The following DUSP12 variants were observed in gnomAD, a reference collection of about 807,000 sequenced individuals.
DUSP12 encodes the protein dual specificity protein phosphatase 12.
A neutral mutation model predicts 38.9 loss-of-function variants in DUSP12; 25 were observed. That is an observed-to-expected ratio of 0.64 (90% CI 0.47 to 0.90). The LOEUF is 0.90. DUSP12 is among the 40% of genes least tolerant of loss of function. DUSP12 has a pLI of 0.00. For missense variants in DUSP12, 403 were observed against 427.0 expected, an observed-to-expected ratio of 0.94 and a Z score of 0.50; for synonymous variants, 153 against 153.9, an observed-to-expected ratio of 0.99 and a Z score of 0.05.
intron 1 of DUSP12, chr1:161,751,332 C>T (rs1684015766): frequency 5.5e-6 from 1 of 181,216 alleles, no homozygotes; most frequent in African/African-American, 2.4e-5. Context: ...TGGACTCAAC[C>T]AATCCTCTCA....
At position 161,757,001 on chromosome 1, in the gene DUSP12, G is replaced by C; in HGVS notation, c.*54G>C. 6.6e-7 allele frequency: 1 copy of C among 1,511,812 alleles called. No homozygotes were observed. Among genetic ancestry groups the C allele is most frequent in the East Asian group, 2.3e-5 (1 of 43,562 alleles). 93.6% of individuals were successfully genotyped at this position (1,511,812 alleles called of 1,614,324 possible). ...CTTGCAGATGATATGTGCTGCCTTT[G>C]CTTCTTATCATTCATGGCAGATTGT... On this transcript the variant is annotated 3_prime_UTR_variant, in exon 6 of 6. Transcript: ENST00000367943.
At chr1:161,751,214 C>T (rs1357335544) in intron 1 of DUSP12, 1 of 156,872 alleles carries the variant, frequency 6.4e-6, no homozygotes, top group African/African-American at 2.4e-5. Flanking sequence ...TCAAGTGAAC[C>T]TCCTGCCTCG....
In DUSP12 at chr1:161,751,985, G is replaced by T; in HGVS notation, c.577+1G>T. 6.3e-7 allele frequency: 1 copy of T among 1,591,460 alleles called. No homozygotes were observed. Among genetic ancestry groups the T allele is most frequent in the Non-Finnish European group, 8.6e-7 (1 of 1,163,604 alleles). ...CAAAAGGTTACAGAGAAGTATCCAG[G>T]TAAGTAATAATTGCTAGTGTGTAAT... On this transcript the variant is annotated splice_donor_variant, in intron 3 of 5. Coordinates refer to ENST00000367943, the MANE Select transcript of DUSP12 (RefSeq NM_007240.3). LOFTEE classifies it high-confidence loss of function.
rs1383727034 is a variant in DUSP12, at chr1:161,752,423, A to G, written c.633A>G (p.Gln211=). 5.0e-6 allele frequency: 8 copies of G among 1,613,120 alleles called. No homozygotes were observed. Among genetic ancestry groups the G allele is most frequent in the African/African-American group, 2.7e-5 (2 of 75,026 alleles). ...CTGTTGACCCAACTACCGTTTCACA[A>G]GGATTGAAAGATGAGGTTCTCTACA... ...LFAVDPTTVS[Q]GLKDEVLYKC... The change falls in exon 4 of 6, where the codon CAA becomes CAG. Residue 211 remains glutamine (Q), a synonymous_variant. Coordinates refer to ENST00000367943, the MANE Select transcript of DUSP12 (RefSeq NM_007240.3).
At chr1:161,750,682 G>C (rs555334610) in intron 1 of DUSP12, among the ~76,000 whole-genome samples, 1 of 152,254 alleles carries the variant, frequency 6.6e-6, no homozygotes, top group East Asian at 1.9e-4. Flanking sequence ...GGTGGCTCAC[G>C]CCTGTAATCC....
chr1:161,754,586 A>G (rs56118399), intron 5 of DUSP12, among the ~76,000 whole-genome samples: 44,797 of 152,096 alleles, frequency 0.29, 8,172 homozygotes, highest in Middle Eastern at 0.4. Flanking sequence ...CAGAAGGGAA[A>G]GCAGGCCACT....
intron 5 of DUSP12, among the ~76,000 whole-genome samples, chr1:161,756,105 C>G (rs913108601): frequency 6.6e-6 from 1 of 152,194 alleles, no homozygotes; most frequent in Non-Finnish European, 1.5e-5. Flanking sequence ...ATCTGCCCGC[C>G]TTGGCCTCCC....
At chr1:161,756,006 C>T (rs1684100982) in intron 5 of DUSP12, among the ~76,000 whole-genome samples, 1 of 152,104 alleles carries the variant, frequency 6.6e-6, no homozygotes. Flanking sequence ...CAGGCATCCG[C>T]CACCATGCCC....
chr1:161,754,261 T>C (rs967728721), intron 5 of DUSP12, among the ~76,000 whole-genome samples: 3 of 152,188 alleles, frequency 2.0e-5, no homozygotes, highest in Non-Finnish European at 2.9e-5. Flanking sequence ...ATGAGGAAAC[T>C]GTTTATGAGT....
intron 5 of DUSP12, among the ~76,000 whole-genome samples, chr1:161,754,637 G>A (rs1161717475): frequency 1.3e-5 from 2 of 152,190 alleles, no homozygotes; most frequent in Non-Finnish European, 2.9e-5. Flanking sequence ...ATGTGAAGGA[G>A]GAACTGTCAA....
rs550743674 is a variant in DUSP12 at position 161,752,823 on chromosome 1, CTA to C, written c.675-250_675-249del. Among the ~76,000 whole-genome samples, 1,043 of 152,192 alleles carry C rather than the reference CTA, an allele frequency of 6.9e-3. 15 individuals carry two copies. The highest frequency in any genetic ancestry group is 0.024 in the African/African-American group (997 of 41,526). On this transcript the variant is annotated intron_variant, in intron 4 of 5. Coordinates refer to ENST00000367943, the MANE Select transcript of DUSP12 (RefSeq NM_007240.3). ...TGGCCAACATGGTGAAACCCCGTCT[CTA>C]TTAAAAATACAAAAATTAGTTGGGC...
chr1:161,752,585 T>C (rs1448609873), intron 4 of DUSP12, 121 bp downstream of exon 4: 1 of 658,766 alleles, frequency 1.5e-6, no homozygotes, highest in East Asian at 2.6e-5. Flanking sequence ...TTAGTTCAGA[T>C]CTGTTTTCAG....
intron 5 of DUSP12, chr1:161,753,508 C>CTATTTATA (rs1305491732): frequency 8.2e-6 from 2 of 244,468 alleles, no homozygotes; most frequent in East Asian, 7.7e-5. Flanking sequence ...TCCTTTAAGG[C>CTATTTATA]TATTTATATT....
rs563179490 is a variant in DUSP12, at chr1:161,751,953, T to C, written c.546T>C (p.Tyr182=). ...VDTSSAIYKQ[Y]RLQKVTEKYP... ...CCTCTAGTGCAATTTATAAGCAATA[T>C]CGTTTACAAAAGGTTACAGAGAAGT... Residue 182 remains tyrosine (Y), a synonymous_variant, in exon 3 of 6, where the codon TAT becomes TAC. Coordinates refer to ENST00000367943, the MANE Select transcript of DUSP12 (RefSeq NM_007240.3). The C allele has an allele frequency of 1.9e-6, 3 of 1,611,784 alleles. No individual in the cohort carries two copies. Among genetic ancestry groups the C allele is most frequent in the Non-Finnish European group, 2.5e-6 (3 of 1,179,078 alleles).
intron 4 of DUSP12, 86 bp from the exon 5 acceptor site, chr1:161,752,989 C>CA (rs35439833): frequency 4.8e-3 from 5,572 of 1,163,038 alleles, no homozygotes; most frequent in South Asian, 6.0e-3. Flanking sequence ...GACTCTGTCT[C>CA]AAAAAAAAAA....
rs930984278 is a variant in DUSP12, at chr1:161,752,282, G to A, written c.578-86G>A. On this transcript the variant is annotated intron_variant, in intron 3 of 5. Transcript: ENST00000367943. ...TTTTTAATTTTTGAGGTTAGCACTT[G>A]TTGCCTCAATTTGACATTAACTGAA... The A allele has an allele frequency of 5.4e-6, 5 of 924,484 alleles. No homozygotes were observed. The African/African-American group carries it at 6.8e-5, about 13-fold the overall frequency. The allele number at this position is 924,484 out of a possible 1,614,324, so 57.3% of individuals were successfully genotyped here.
chr1:161,752,328 T>G, intron 3 of DUSP12, 40 bp from the exon 4 acceptor site: 1 of 1,420,342 alleles, frequency 7.0e-7, no homozygotes, highest in African/African-American at 1.4e-5. Context: ...AATGCAGAGT[T>G]GATTTTGACA....
chr1:161,752,550 G>T, intron 4 of DUSP12, 86 bp downstream of exon 4: 1 of 925,808 alleles, frequency 1.1e-6, no homozygotes, highest in Non-Finnish European at 1.6e-6. Flanking sequence ...AATTTCTGTA[G>T]GAAGATTTTG....
chr1:161,750,893 C>G (rs1173739663), intron 1 of DUSP12, among the ~76,000 whole-genome samples: 3 of 152,112 alleles, frequency 2.0e-5, no homozygotes, highest in South Asian at 2.1e-4. Context: ...CCACAGCACT[C>G]CAGCCTGGGC....
Sources: allele counts gnomAD v4.1 joint callset (sites outside exome capture counted in the v4.1 genomes callset), GRCh38; gene constraint gnomAD v4.1.1; transcripts MANE v1.5; gene names NCBI Gene and HGNC (gene_info 2026-07-23, HGNC 2026-07-21).